The following COBLL1 variants were observed in gnomAD, a reference collection of about 807,000 sequenced individuals.
COBLL1 encodes the protein cordon-bleu protein-like 1.
COBLL1 carries 50 observed loss-of-function variants against 94.8 expected under a neutral mutation model. The observed-to-expected ratio is 0.53, with a 90% CI of 0.42 to 0.67. The LOEUF is 0.67. Among genes scored for constraint, COBLL1 ranks in the 30% least tolerant of loss-of-function variants. The pLI, the probability that COBLL1 is intolerant of heterozygous loss-of-function variation, is 0.00. For missense variants in COBLL1, 1,362 were observed against 1,348.7 expected (o/e 1.01, Z -0.15); for synonymous variants, 448 against 473.8 (o/e 0.95, Z 0.71).
intron 2 of COBLL1, among the ~76,000 whole-genome samples, chr2:164,807,317 G>A (rs1684215136): frequency 6.6e-6 from 1 of 151,718 alleles, no homozygotes; most frequent in Non-Finnish European, 1.5e-5. Flanking sequence ...GTCAGGCACG[G>A]CAGTGGGCTA....
chr2:164,818,272 G>GTATGTATACATATATGTATGTATACATA (rs1684909368), intron 2 of COBLL1, among the ~76,000 whole-genome samples: 1 of 116,694 alleles, frequency 8.6e-6, no homozygotes, highest in African/African-American at 3.4e-5. Context: ...ATACACGTAT[G>GTATGTATACATATATGTATGTATACATA]TATGTATACA....
intron 2 of COBLL1, among the ~76,000 whole-genome samples, chr2:164,772,998 C>T (rs964068313): frequency 3.3e-4 from 32 of 97,454 alleles, no homozygotes; most frequent in East Asian, 2.0e-4. Context: ...TCAAAGTCTG[C>T]TCTAAGGTTC....
chr2:164,816,231 C>A (rs576860108), intron 2 of COBLL1, among the ~76,000 whole-genome samples: 3 of 152,004 alleles, frequency 2.0e-5, no homozygotes, highest in South Asian at 2.1e-4. Context: ...TGAATTGAAC[C>A]AGTAGAATTC....
intron 2 of COBLL1, among the ~76,000 whole-genome samples, chr2:164,832,536 A>G (rs930905496): frequency 2.0e-5 from 3 of 152,150 alleles, no homozygotes; most frequent in Admixed American, 2.0e-4. Flanking sequence ...CTACTATATA[A>G]CTCAGCTTCT....
At chr2:164,714,172 C>T (rs1685048355) in intron 7 of COBLL1, among the ~76,000 whole-genome samples, 2 of 151,764 alleles carry the variant, frequency 1.3e-5, no homozygotes, top group South Asian at 2.1e-4. Context: ...CACACACACA[C>T]ACACACACAT....
chr2:164,827,976 C>A (rs1685513929), intron 2 of COBLL1, among the ~76,000 whole-genome samples: 1 of 152,072 alleles, frequency 6.6e-6, no homozygotes, highest in African/African-American at 2.4e-5. Context: ...AGGGAATAAT[C>A]CTAAATGAGA....
chr2:164,697,161 T>C (rs1348972455), intron 11 of COBLL1: 1 of 152,180 alleles, frequency 6.6e-6, no homozygotes, highest in Non-Finnish European at 1.5e-5. Context: ...CTCTGCCTGA[T>C]TGCACAGTTA....
chr2:164,790,714 G>A (rs1683146148), intron 2 of COBLL1, among the ~76,000 whole-genome samples: 1 of 152,064 alleles, frequency 6.6e-6, no homozygotes, highest in African/African-American at 2.4e-5. Context: ...CTTACACACT[G>A]GTATTTCACA....
At chr2:164,663,348 T>C (rs1691100781) in intron 2 of COBLL1, among the ~76,000 whole-genome samples, 1 of 152,202 alleles carries the variant, frequency 6.6e-6, no homozygotes, top group Non-Finnish European at 1.5e-5. Context: ...AAGTCCTTTT[T>C]GAATGCTTGT....
At position 164,695,339 on chromosome 2, in the gene COBLL1, G is replaced by C. The variant is rs1328647528; in HGVS notation, c.2053C>G (p.Leu685Val). 4.3e-6 allele frequency: 7 copies of C among 1,613,838 alleles called. No homozygotes were observed. The highest frequency in any genetic ancestry group is 5.1e-6 in the Non-Finnish European group (6 of 1,179,936). Reference protein sequence around the residue: ...DPICAHGNDDLLPPVDRIDKN... With the variant: ...DPICAHGNDDVLPPVDRIDKN... The stretch of plus-strand genomic sequence containing the variant: ...TCAATCCTATCTACAGGAGGCAAAA[G>C]ATCATCATTACCATGTGCACAAATT... The change falls in exon 12 of 14, where the codon CTT becomes GTT. Residue 685 changes from leucine to valine, a missense_variant. By Grantham distance (32) the Leu-to-Val change is conservative. Transcript: ENST00000652658.
Position 164,694,407 on chromosome 2 carries a change from C to G in COBLL1, c.2985G>C (p.Arg995Ser), listed in dbSNP as rs1370846605. ...PSPFALAVVK[R>S]SQSFSKERTE... is the part of the protein sequence containing the mutation. ...TGCGCTCTTTACTGAAAGACTGTGA[C>G]CTTTTCACTACAGCAAGAGCAAACG... Residue 995 changes from arginine to serine, a missense_variant, in exon 12 of 14, where the codon AGG becomes AGC. Physicochemically the swap from Arg to Ser is moderately radical, Grantham distance 110 (BLOSUM62 -1). Coordinates refer to ENST00000652658, the MANE Select transcript of COBLL1 (RefSeq NM_001365672.2). The G allele has an allele frequency of 6.2e-7, 1 of 1,613,916 alleles. No homozygotes were observed. Among genetic ancestry groups the G allele is most frequent in the Non-Finnish European group, 8.5e-7 (1 of 1,179,932 alleles).
intron 3 of COBLL1, among the ~76,000 whole-genome samples, chr2:164,735,801 C>G (rs1414471563): frequency 6.6e-6 from 1 of 151,870 alleles, no homozygotes; most frequent in African/African-American, 2.4e-5. Context: ...GGTTTGACCA[C>G]AGGATCACCA....
intron 4 of COBLL1, among the ~76,000 whole-genome samples, chr2:164,729,689 T>G (rs1427024542): frequency 1.3e-5 from 2 of 152,164 alleles, no homozygotes; most frequent in Non-Finnish European, 2.9e-5. Context: ...TGTTACATAC[T>G]TATGCAATCA....
intron 9 of COBLL1, chr2:164,703,152 C>CAG: frequency 6.2e-7 from 1 of 1,613,970 alleles, no homozygotes; most frequent in East Asian, 2.2e-5. Flanking sequence ...CACTCAAAGA[C>CAG]AGAGGTTTCC....
rs544514997 is a variant in COBLL1, at chr2:164,670,764, G to T, written n.127-4863C>A. Reference sequence around the variant, plus strand: ...GCATGGTGATCAGCAACAGAGAAGAGAGGCCAAATGGAAGCAGAAACCAAG... The same window carrying T: ...GCATGGTGATCAGCAACAGAGAAGATAGGCCAAATGGAAGCAGAAACCAAG... On this transcript the variant is annotated intron_variant and non_coding_transcript_variant, in intron 1 of 2. Coordinates refer to the COBLL1 transcript ENST00000495084. Among the ~76,000 whole-genome samples the T allele has an allele frequency of 2.0e-5, 3 of 152,290 alleles. No individual in the cohort carries two copies. In the South Asian group the frequency reaches 6.2e-4, roughly 32 times the overall value.
chr2:164,750,573 T>G (rs1687075751), intron 2 of COBLL1, among the ~76,000 whole-genome samples: 1 of 152,178 alleles, frequency 6.6e-6, no homozygotes, highest in African/African-American at 2.4e-5. Context: ...TCTCCTCTTG[T>G]CCCTTAAAAT....
intron 7 of COBLL1, among the ~76,000 whole-genome samples, chr2:164,715,918 C>A (rs1252802907): frequency 1.3e-5 from 2 of 152,100 alleles, no homozygotes; most frequent in Admixed American, 6.6e-5. Context: ...TGTTGTATAT[C>A]CATCATTCCA....
At chr2:164,764,146 C>G (rs933661615) in intron 2 of COBLL1, among the ~76,000 whole-genome samples, 1 of 152,198 alleles carries the variant, frequency 6.6e-6, no homozygotes, top group African/African-American at 2.4e-5. Flanking sequence ...AACCCTCCTG[C>G]CTTGGCCTCT....
chr2:164,765,411 G>A (rs977152803), intron 2 of COBLL1, among the ~76,000 whole-genome samples: 6 of 152,130 alleles, frequency 3.9e-5, no homozygotes, highest in African/African-American at 1.4e-4. Flanking sequence ...AGAAGGGAGT[G>A]GGAAAGAACC....
Sources: allele counts gnomAD v4.1 joint callset (sites outside exome capture counted in the v4.1 genomes callset), GRCh38; gene constraint gnomAD v4.1.1; transcripts MANE v1.5; gene names NCBI Gene and HGNC (gene_info 2026-07-23, HGNC 2026-07-21).